ZNF804B: variants seen among roughly 807,000 people sequenced by gnomAD.
ZNF804B encodes the protein zinc finger protein 804B.
Under a neutral mutation model 101.4 loss-of-function variants are expected in ZNF804B, and 80 were observed. The ratio of observed to expected loss-of-function variants is 0.79; its 90% CI spans 0.66 to 0.95. ZNF804B has a LOEUF of 0.95. Ranked by LOEUF, ZNF804B falls within the 40% of genes least tolerant of loss-of-function variation. ZNF804B has a pLI of 0.00. For synonymous variants in ZNF804B, 622 were observed against 558.8 expected (o/e 1.11, Z -1.59); for missense variants, 1,673 against 1,561.9 (o/e 1.07, Z -1.20).
chr7:89,166,123 C>T (rs555423023), intron 1 of ZNF804B, among the ~76,000 whole-genome samples: 1 of 152,228 alleles, frequency 6.6e-6, no homozygotes, highest in Admixed American at 6.6e-5. Flanking sequence ...AATGCAATGC[C>T]TTCAAGTTAG....
chr7:89,273,014 G>A (rs1789921593), intron 2 of ZNF804B, among the ~76,000 whole-genome samples: 1 of 151,922 alleles, frequency 6.6e-6, no homozygotes, highest in Non-Finnish European at 1.5e-5. Flanking sequence ...AAAATAAACA[G>A]TTGTTTTTTG....
chr7:88,963,478 A>G (rs1793416280), intron 1 of ZNF804B, among the ~76,000 whole-genome samples: 1 of 151,356 alleles, frequency 6.6e-6, no homozygotes, highest in African/African-American at 2.4e-5. Flanking sequence ...AAAAAAATGA[A>G]GTTGAATCCT....
At chr7:89,304,222 C>A (rs1258262268) in intron 2 of ZNF804B, among the ~76,000 whole-genome samples, 1 of 151,778 alleles carries the variant, frequency 6.6e-6, no homozygotes, top group Non-Finnish European at 1.5e-5. Context: ...ACCATAGGAA[C>A]CTAACTTTAA....
At chr7:88,861,572 G>T (rs2115857300) in intron 1 of ZNF804B, among the ~76,000 whole-genome samples, 1 of 152,148 alleles carries the variant, frequency 6.6e-6, no homozygotes, top group Middle Eastern at 3.4e-3. Flanking sequence ...GGATTTTATT[G>T]ATCTCTCAGC....
intron 1 of ZNF804B, among the ~76,000 whole-genome samples, chr7:88,834,946 T>A (rs4413701): frequency 0.46 from 69,976 of 151,516 alleles, 17,132 homozygotes; most frequent in East Asian, 0.81. Flanking sequence ...CCAGCCCTCT[T>A]TGGATTTCTG....
In ZNF804B at chr7:89,333,935, T is replaced by C. The variant is rs761967142; in HGVS notation, c.953T>C (p.Ile318Thr). 7.6e-5 allele frequency: 122 copies of C among 1,613,454 alleles called. No homozygotes were observed. The South Asian group carries it at 1.1e-3, about 15-fold the overall frequency. The change falls in exon 4 of 4, where the codon ATT becomes ACT. Residue 318 changes from isoleucine to threonine, a missense_variant. Ile to Thr is a moderately conservative substitution (Grantham distance 89). Transcript: ENST00000333190. The part of the protein sequence containing the change: ...DSIDETLEDS[I>T]GIHASFSKSN... ...ATTGATGAGACACTAGAAGATTCAA[T>C]TGGCATTCATGCTTCATTCTCTAAA... is the stretch of plus-strand genomic sequence containing the variant.
At chr7:89,293,020 T>C (rs1316671065) in intron 2 of ZNF804B, among the ~76,000 whole-genome samples, 1 of 152,146 alleles carries the variant, frequency 6.6e-6, no homozygotes, top group Non-Finnish European at 1.5e-5. Context: ...CCTGTGATTA[T>C]ATACATCTGT....
chr7:88,854,563 C>A (rs1383115397), intron 1 of ZNF804B, among the ~76,000 whole-genome samples: 1 of 122,476 alleles, frequency 8.2e-6, no homozygotes, highest in East Asian at 2.7e-4. Context: ...TCCTTCCTTC[C>A]TTCCTTCCTT....
At chr7:89,091,495 G>A (rs1049680133) in intron 1 of ZNF804B, among the ~76,000 whole-genome samples, 2 of 152,006 alleles carry the variant, frequency 1.3e-5, no homozygotes, top group East Asian at 1.9e-4. Context: ...GGTAAAAGTC[G>A]AAAGTAGATA....
chr7:89,110,053 G>A (rs546571140), intron 1 of ZNF804B, among the ~76,000 whole-genome samples: 10 of 152,092 alleles, frequency 6.6e-5, no homozygotes, highest in Admixed American at 1.3e-4. Context: ...TATGGCAGCA[G>A]ATGATAAAAC....
At chr7:89,284,683 C>A (rs1790154127) in intron 2 of ZNF804B, among the ~76,000 whole-genome samples, 1 of 151,860 alleles carries the variant, frequency 6.6e-6, no homozygotes, top group South Asian at 2.1e-4. Context: ...ATAAGAAAGG[C>A]ACATCTGTAG....
At chr7:88,843,639 A>G (rs535315668) in intron 1 of ZNF804B, among the ~76,000 whole-genome samples, 6 of 152,274 alleles carry the variant, frequency 3.9e-5, no homozygotes, top group Non-Finnish European at 7.4e-5. Flanking sequence ...CGGGAGGCTG[A>G]GGCAGGAGAA....
At chr7:88,967,546 G>T (rs146227289) in intron 1 of ZNF804B, among the ~76,000 whole-genome samples, 441 of 151,544 alleles carry the variant, frequency 2.9e-3, no homozygotes, top group Middle Eastern at 0.014. Context: ...GATGAAATAA[G>T]CAGAAATTTA....
At chr7:89,007,568 A>G (rs1198483235) in intron 1 of ZNF804B, among the ~76,000 whole-genome samples, 5 of 26,774 alleles carry the variant, frequency 1.9e-4, no homozygotes, top group East Asian at 1.8e-3. Context: ...ATCTATTATA[A>G]TTATATATAA....
chr7:88,962,866 A>G (rs934795512), intron 1 of ZNF804B, among the ~76,000 whole-genome samples: 2 of 150,500 alleles, frequency 1.3e-5, no homozygotes, highest in South Asian at 4.2e-4. Context: ...GTACAGTGCT[A>G]TTATGAAGGT....
At position 89,091,164 on chromosome 7, in the gene ZNF804B, A is replaced by G. The variant is rs147834868; in HGVS notation, c.109-126991A>G. Among the ~76,000 whole-genome samples, 78 of 152,274 alleles carry G rather than the reference A, an allele frequency of 5.1e-4. 1 individual carries two copies. In the East Asian group the frequency reaches 0.014, roughly 28 times the overall value. ...GATTGGCTTTAGCAAACCACAGCAT[A>G]TCTAAAAATTCATGAGTTTAGGGAT... On this transcript the variant is annotated intron_variant, in intron 1 of 3. Coordinates refer to ENST00000333190, the MANE Select transcript of ZNF804B (RefSeq NM_181646.5).
At chr7:89,242,768 G>A (rs1789390470) in intron 2 of ZNF804B, among the ~76,000 whole-genome samples, 1 of 151,600 alleles carries the variant, frequency 6.6e-6, no homozygotes, top group Non-Finnish European at 1.5e-5. Context: ...ATTTCATTTT[G>A]TTATATTTGT....
chr7:89,163,718 A>AG (rs777236452), intron 1 of ZNF804B, among the ~76,000 whole-genome samples: 1 of 152,146 alleles, frequency 6.6e-6, no homozygotes, highest in Non-Finnish European at 1.5e-5. Context: ...CTAAAGTTGA[A>AG]GTGGATAGTA....
intron 1 of ZNF804B, among the ~76,000 whole-genome samples, chr7:89,217,379 C>A (rs150767095): frequency 6.6e-6 from 1 of 152,138 alleles, no homozygotes; most frequent in Admixed American, 6.5e-5. Flanking sequence ...AGTGTGTAAT[C>A]TCTCTAAGCA....
Sources: gnomAD v4.1 joint callset for allele counts (sites outside exome capture counted in the v4.1 genomes callset) on GRCh38, gnomAD v4.1.1 for gene constraint, MANE v1.5 for transcripts, NCBI Gene and HGNC (gene_info 2026-07-23, HGNC 2026-07-21) for gene names.